Variants in ARPC2 observed in about 807,000 individuals in gnomAD.
ARPC2 encodes actin related protein 2/3 complex subunit 2, also known as actin-related protein 2/3 complex subunit 2.
ARPC2 carries 4 observed loss-of-function variants against 38.6 expected under a neutral mutation model. The observed-to-expected ratio is 0.10, with a 90% CI of 0.05 to 0.24. The LOEUF is 0.24. Ranked by LOEUF, ARPC2 falls within the 10% of genes least tolerant of loss-of-function variation. ARPC2 has a pLI of 1.00. For missense variants in ARPC2, 229 were observed against 387.3 expected (o/e 0.59, Z 3.43); for synonymous variants, 125 against 140.8 (o/e 0.89, Z 0.79).
chr2:218,219,350 C>G (rs1363985014), intron 2 of ARPC2, among the ~76,000 whole-genome samples: 3 of 151,478 alleles, frequency 2.0e-5, no homozygotes, highest in Non-Finnish European at 4.4e-5. Flanking sequence ...TAAGTTAGAA[C>G]TTCCAGGACT....
At chr2:218,246,438 A>C (rs1020963468) in intron 8 of ARPC2, among the ~76,000 whole-genome samples, 1 of 151,636 alleles carries the variant, frequency 6.6e-6, no homozygotes, top group Non-Finnish European at 1.5e-5. Context: ...GCTGAGGCAC[A>C]AGAATCCCTT....
chr2:218,254,248 A>AACTTGCAGGATATAACTGGTAATGAGT lies in ARPC2; in HGVS notation c.*333_*334insACTTGCAGGATATAACTGGTAATGAGT, dbSNP rs1690263738. On this transcript the variant is annotated 3_prime_UTR_variant, in exon 11 of 11. Coordinates refer to ENST00000315717, the MANE Select transcript of ARPC2 (RefSeq NM_152862.3). Reference sequence around the variant, plus strand: ...ATTACTGGTAATGAGTTGCAGGATAATGCAGTCATAACTTGTTTTCTCCTA... The same window carrying AACTTGCAGGATATAACTGGTAATGAGT: ...ATTACTGGTAATGAGTTGCAGGATAAACTTGCAGGATATAACTGGTAATGAGTTGCAGTCATAACTTGTTTTCTCCTA... 7.8e-6 allele frequency: 2 copies of AACTTGCAGGATATAACTGGTAATGAGT among 255,024 alleles called. No individual in the cohort carries two copies. The highest frequency in any genetic ancestry group is 1.5e-5 in the Non-Finnish European group (2 of 132,086). 15.8% of individuals were successfully genotyped at this position (255,024 alleles called of 1,614,324 possible).
chr2:218,226,315 A>G (rs921975393), intron 3 of ARPC2, among the ~76,000 whole-genome samples: 2 of 149,328 alleles, frequency 1.3e-5, no homozygotes, highest in Non-Finnish European at 3.0e-5. Context: ...GAGACAAGAA[A>G]AGAAAATTGT....
chr2:218,246,033 G>T (rs1024814736), intron 8 of ARPC2, among the ~76,000 whole-genome samples: 1 of 151,948 alleles, frequency 6.6e-6, no homozygotes, highest in African/African-American at 2.4e-5. Flanking sequence ...GGCCAATGTG[G>T]TGAAACTCTG....
intron 9 of ARPC2, 66 bp from the exon 10 acceptor site, chr2:218,249,755 G>A (rs532655509): frequency 6.1e-6 from 9 of 1,477,496 alleles, no homozygotes; most frequent in Admixed American, 2.0e-5. Context: ...CCTCTCTGAT[G>A]AAAGACAGCA....
intron 2 of ARPC2, among the ~76,000 whole-genome samples, chr2:218,224,750 A>AT (rs1648416380): frequency 6.6e-6 from 1 of 152,118 alleles, no homozygotes; most frequent in South Asian, 2.1e-4. Context: ...GTATAGGTTG[A>AT]TTTTTCAGCA....
chr2:218,235,504 C>T (rs1295989375), intron 5 of ARPC2: 1 of 151,926 alleles, frequency 6.6e-6, no homozygotes, highest in African/African-American at 2.4e-5. Flanking sequence ...ATACCCAGCA[C>T]CTTTTTTTTT....
intron 10 of ARPC2, among the ~76,000 whole-genome samples, chr2:218,253,651 G>C (rs1690247961): frequency 6.6e-6 from 1 of 152,190 alleles, no homozygotes; most frequent in Non-Finnish European, 1.5e-5. Context: ...GTCCTTGTGG[G>C]CTTAACACTG....
rs1690000477 is a variant in ARPC2 at position 218,245,119 on chromosome 2, C to T, written c.550-301C>T. ...AAAGACTCATGCAAAGTCCCAGAGC[C>T]CAGAGAAAGTATGGTAGTTTATCAC... On this transcript the variant is annotated intron_variant, in intron 7 of 10. Coordinates refer to ENST00000315717, the MANE Select transcript of ARPC2 (RefSeq NM_152862.3). Among the ~76,000 whole-genome samples the T allele has an allele frequency of 2.0e-5, 3 of 152,104 alleles. No homozygotes were observed. The South Asian group carries it at 6.2e-4, about 32-fold the overall frequency.
intron 8 of ARPC2, among the ~76,000 whole-genome samples, chr2:218,246,422 C>T (rs572877448): frequency 2.6e-5 from 4 of 151,932 alleles, no homozygotes; most frequent in Admixed American, 6.6e-5. Flanking sequence ...CCCAGCTACT[C>T]GGGAGGCTGA....
At chr2:218,237,514 C>A (rs997948489) in intron 5 of ARPC2, among the ~76,000 whole-genome samples, 11 of 151,412 alleles carry the variant, frequency 7.3e-5, no homozygotes, top group African/African-American at 2.7e-4. Context: ...TACCTGCCCC[C>A]CACCACCAAT....
At chr2:218,241,857 C>T (rs1367157784) in intron 7 of ARPC2, among the ~76,000 whole-genome samples, 1 of 152,220 alleles carries the variant, frequency 6.6e-6, no homozygotes, top group East Asian at 1.9e-4. Flanking sequence ...GCCCTGCCAC[C>T]CTTTCCAAAT....
intron 4 of ARPC2, among the ~76,000 whole-genome samples, chr2:218,231,634 T>A (rs1014752685): frequency 5.9e-5 from 9 of 152,162 alleles, no homozygotes; most frequent in African/African-American, 2.2e-4. Context: ...CTTGAGCCCC[T>A]CCTCTCAATT....
chr2:218,232,837 A>G (rs1194140886), intron 4 of ARPC2, among the ~76,000 whole-genome samples: 3 of 151,742 alleles, frequency 2.0e-5, no homozygotes, highest in Non-Finnish European at 4.4e-5. Flanking sequence ...CGGCCTCCCA[A>G]AGTGCTGGGA....
intron 8 of ARPC2, among the ~76,000 whole-genome samples, chr2:218,247,841 G>T (rs190185816): frequency 4.6e-5 from 7 of 152,230 alleles, no homozygotes; most frequent in Non-Finnish European, 8.8e-5. Flanking sequence ...TACCCTGAAG[G>T]CTGAGGCAGG....
Position 218,254,015 on chromosome 2 carries a change from G to A in ARPC2, c.*100G>A, listed in dbSNP as rs1559485813. 2 of 1,514,676 alleles carry A rather than the reference G, an allele frequency of 1.3e-6. No individual in the cohort carries two copies. The highest frequency in any genetic ancestry group is 2.3e-5 in the East Asian group (1 of 43,932). The allele number at this position is 1,514,676 out of a possible 1,614,324, so 93.8% of individuals were successfully genotyped here. On this transcript the variant is annotated 3_prime_UTR_variant, in exon 11 of 11. Transcript: ENST00000315717. ...ATGTTGCGCCTCTTCAGGTTCTTAA[G>A]GGATTCTCCGTTTTGGTTCCATTTT...
At chr2:218,228,090 A>C (rs1221842628) in intron 3 of ARPC2, among the ~76,000 whole-genome samples, 1 of 152,156 alleles carries the variant, frequency 6.6e-6, no homozygotes, top group Non-Finnish European at 1.5e-5. Flanking sequence ...GTCTAAATGA[A>C]ACAAGAATTG....
Position 218,245,537 on chromosome 2 carries a change from A to G in ARPC2, c.667A>G (p.Ile223Val), listed in dbSNP as rs2106157655. 1.2e-6 allele frequency: 2 copies of G among 1,614,158 alleles called. No homozygotes were observed. The highest frequency in any genetic ancestry group is 1.1e-5 in the South Asian group (1 of 91,080). ...DAAVGDNIGY[I>V]TFVLFPRHTN... ...CGCTGTGGGTGACAACATTGGCTACATTACCTTTGGTGAGCAGGGTGCACT... is the reference window on the plus strand; with the variant it reads ...CGCTGTGGGTGACAACATTGGCTACGTTACCTTTGGTGAGCAGGGTGCACT... Residue 223 changes from isoleucine (I) to valine (V), a missense_variant, in exon 8 of 11, where the codon ATT (isoleucine) becomes GTT (valine). Physicochemically the swap from Ile to Val is conservative, Grantham distance 29 (BLOSUM62 3). Around this residue, in one of 3 missense-constraint regions of ARPC2, gnomAD observed 92 missense variants for 152.3 expected, o/e 0.60. Coordinates refer to ENST00000315717, the MANE Select transcript of ARPC2 (RefSeq NM_152862.3).
chr2:218,241,386 TTGA>T (rs1251018740), intron 7 of ARPC2, among the ~76,000 whole-genome samples: 1 of 152,186 alleles, frequency 6.6e-6, no homozygotes, highest in Non-Finnish European at 1.5e-5. Flanking sequence ...AGTGCTGAAC[TTGA>T]TGAAGGAATA....
Sources: gnomAD v4.1 joint callset for allele counts (sites outside exome capture counted in the v4.1 genomes callset) on GRCh38, gnomAD v4.1.1 for gene constraint, gnomAD v4.1.1 regional missense constraint, MANE v1.5 for transcripts, NCBI Gene and HGNC (gene_info 2026-07-23, HGNC 2026-07-21) for gene names.